FCHSD2: variants seen among roughly 807,000 people sequenced by gnomAD.
The protein encoded by FCHSD2 is F-BAR and double SH3 domains protein 2.
A neutral mutation model predicts 108.1 loss-of-function variants in FCHSD2; 38 were observed. The ratio of observed to expected loss-of-function variants is 0.35; its 90% CI spans 0.27 to 0.46. The LOEUF is 0.46. Ranked by LOEUF, FCHSD2 falls within the 20% of genes least tolerant of loss-of-function variation. The pLI, the probability that FCHSD2 is intolerant of heterozygous loss-of-function variation, is 1.00. For missense variants in FCHSD2, 751 were observed against 897.8 expected, an observed-to-expected ratio of 0.84 and a Z score of 2.09; for synonymous variants, 279 against 314.7, an observed-to-expected ratio of 0.89 and a Z score of 1.20.
chr11:73,099,724 G>A (rs1860172678), intron 2 of FCHSD2, among the ~76,000 whole-genome samples: 1 of 152,224 alleles, frequency 6.6e-6, no homozygotes, highest in East Asian at 1.9e-4. Flanking sequence ...TCTGGTTGGG[G>A]CTGTCAAGCC....
chr11:72,909,443 T>C (rs994799801), intron 9 of FCHSD2, among the ~76,000 whole-genome samples: 2 of 152,232 alleles, frequency 1.3e-5, no homozygotes, highest in Non-Finnish European at 2.9e-5. Flanking sequence ...TTACAGCCTC[T>C]GCCCAGCCGC....
intron 2 of FCHSD2, among the ~76,000 whole-genome samples, chr11:73,133,732 A>G (rs1861056083): frequency 6.9e-6 from 1 of 144,568 alleles, no homozygotes; most frequent in South Asian, 2.2e-4. Context: ...GGCGGAGGTT[A>G]CAACGAGCCG....
intron 3 of FCHSD2, among the ~76,000 whole-genome samples, chr11:73,050,037 C>T (rs1193870290): frequency 6.6e-6 from 1 of 152,148 alleles, no homozygotes; most frequent in African/African-American, 2.4e-5. Flanking sequence ...TGCCAGGCCT[C>T]TCTATATAAG....
chr11:73,053,416 C>T (rs936099460), intron 3 of FCHSD2, among the ~76,000 whole-genome samples: 1 of 152,080 alleles, frequency 6.6e-6, no homozygotes, highest in Admixed American at 6.6e-5. Context: ...AAAAAAATCA[C>T]TTGCTTCACC....
chr11:72,928,609 C>T (rs1856125000), intron 8 of FCHSD2, among the ~76,000 whole-genome samples: 1 of 152,158 alleles, frequency 6.6e-6, no homozygotes, highest in South Asian at 2.1e-4. Context: ...TCTTCCTTAG[C>T]GTTTTCACAA....
chr11:73,077,122 A>G (rs1299158252), intron 3 of FCHSD2, among the ~76,000 whole-genome samples: 2 of 150,172 alleles, frequency 1.3e-5, no homozygotes, highest in Admixed American at 6.6e-5. Context: ...AAGAAAAAGA[A>G]AAAAAAGAAA....
chr11:72,977,364 C>T (rs1381666854), intron 8 of FCHSD2, among the ~76,000 whole-genome samples: 1 of 152,026 alleles, frequency 6.6e-6, no homozygotes, highest in Admixed American at 6.5e-5. Context: ...AACTTCTGCA[C>T]AGCAAAGTAA....
chr11:72,850,316 C>T (rs1471977228), intron 13 of FCHSD2, among the ~76,000 whole-genome samples: 10 of 152,042 alleles, frequency 6.6e-5, no homozygotes, highest in Admixed American at 4.6e-4. Context: ...CCACTCACTT[C>T]GGCTTCCCAA....
intron 14 of FCHSD2, among the ~76,000 whole-genome samples, chr11:72,847,210 C>T (rs1861169393): frequency 6.6e-6 from 1 of 152,142 alleles, no homozygotes; most frequent in East Asian, 1.9e-4. Flanking sequence ...GTTGCCCAGG[C>T]TGGTCTCAAA....
chr11:72,934,404 C>T (rs1259771129), intron 8 of FCHSD2, among the ~76,000 whole-genome samples: 2 of 150,164 alleles, frequency 1.3e-5, no homozygotes. Flanking sequence ...TATCTCGGCT[C>T]ACTGCAACCT....
intron 2 of FCHSD2, among the ~76,000 whole-genome samples, chr11:73,095,129 A>G (rs1156449810): frequency 6.6e-6 from 1 of 152,168 alleles, no homozygotes; most frequent in Non-Finnish European, 1.5e-5. Context: ...TGAAAATTAG[A>G]AGTGTTCTTA....
At chr11:72,850,097 CTT>C (rs1267836676) in intron 13 of FCHSD2, among the ~76,000 whole-genome samples, 1 of 106,826 alleles carries the variant, frequency 9.4e-6, no homozygotes, top group African/African-American at 3.6e-5. Flanking sequence ...GAATTTCGCT[CTT>C]GTCACCCCGG....
At chr11:73,044,831 G>A (rs192991765) in intron 3 of FCHSD2, among the ~76,000 whole-genome samples, 2,212 of 152,278 alleles carry the variant, frequency 0.015, 32 homozygotes, top group Non-Finnish European at 0.021. Context: ...AGTACTTTGG[G>A]AGGCCGAGGC....
At chr11:72,991,272 CTACCAGAGG>C (rs1250772555) in intron 5 of FCHSD2, among the ~76,000 whole-genome samples, 2 of 152,166 alleles carry the variant, frequency 1.3e-5, no homozygotes, top group Non-Finnish European at 2.9e-5. Context: ...CAGCCGAATT[CTACCAGAGG>C]TACAAGGAGG....
At chr11:72,996,396 A>C (rs7109082) in intron 5 of FCHSD2, among the ~76,000 whole-genome samples, 22,941 of 152,236 alleles carry the variant, frequency 0.15, 2,271 homozygotes, top group South Asian at 0.22. Context: ...CAATATTTCA[A>C]GGATGGTAAG....
intron 2 of FCHSD2, among the ~76,000 whole-genome samples, chr11:73,133,658 C>T (rs1473764322): frequency 2.0e-5 from 3 of 151,746 alleles, no homozygotes; most frequent in Non-Finnish European, 2.9e-5. Flanking sequence ...TAGCTGGGTA[C>T]GGTGGCGGGC....
intron 5 of FCHSD2, among the ~76,000 whole-genome samples, chr11:72,989,814 G>A (rs1365804360): frequency 6.6e-6 from 1 of 152,180 alleles, no homozygotes; most frequent in Non-Finnish European, 1.5e-5. Context: ...CCAATTAGAA[G>A]TTTCACCAGC....
chr11:72,923,681 C>A (rs1856018230), intron 8 of FCHSD2, among the ~76,000 whole-genome samples: 1 of 152,110 alleles, frequency 6.6e-6, no homozygotes, highest in Non-Finnish European at 1.5e-5. Flanking sequence ...GTGGGTCACG[C>A]CTGTAATCCC....
At chr11:73,091,945 GA>G (rs1446609508) in intron 2 of FCHSD2, among the ~76,000 whole-genome samples, 1 of 152,010 alleles carries the variant, frequency 6.6e-6, no homozygotes, top group East Asian at 1.9e-4. Context: ...TGAGGCAGGA[GA>G]ATTGTTTGTA....
Sources: gnomAD v4.1 joint callset for allele counts (sites outside exome capture counted in the v4.1 genomes callset) on GRCh38, gnomAD v4.1.1 for gene constraint, MANE v1.5 for transcripts, NCBI Gene and HGNC (gene_info 2026-07-23, HGNC 2026-07-21) for gene names.